Variants in ITGB3 observed in about 807,000 individuals in gnomAD.
ITGB3 encodes integrin subunit beta 3.
In ITGB3, 48 loss-of-function variants were observed where a neutral mutation model predicts 85.8. The ratio of observed to expected loss-of-function variants is 0.56; its 90% CI spans 0.44 to 0.71. The LOEUF is 0.71. Ranked by LOEUF, ITGB3 falls within the 30% of genes least tolerant of loss-of-function variation. The pLI is 0.00. For missense variants in ITGB3, 861 were observed against 1,019.1 expected (o/e 0.84, Z 2.11); for synonymous variants, 363 against 395.6 (o/e 0.92, Z 0.98).
intron 1 of ITGB3, among the ~76,000 whole-genome samples, chr17:47,262,922 TGGG>T (rs915670674): frequency 6.6e-6 from 1 of 152,132 alleles, no homozygotes; most frequent in Admixed American, 6.6e-5. Flanking sequence ...TCGGGAGCAC[TGGG>T]GAAAGGAAGC....
chr17:47,300,346 C>CGCGTGTGTGTGT lies in ITGB3; in HGVS notation c.1914-131_1914-130insCGTGTGTGTGTG, dbSNP rs377375532. 3.2e-5 allele frequency: 20 copies of CGCGTGTGTGTGT among 619,832 alleles called. No individual in the cohort carries two copies. The African/African-American group carries it at 3.5e-4, about 11-fold the overall frequency. 38.4% of individuals were successfully genotyped at this position (619,832 alleles called of 1,614,324 possible). On this transcript the variant is annotated intron_variant, in intron 11 of 14. Coordinates refer to ENST00000559488, the MANE Select transcript of ITGB3 (RefSeq NM_000212.3). ...GGATTGTCTTACAGGCGCGCGCGCG[C>CGCGTGTGTGTGT]GTGTGTGTGTGTGTGTGTGTGTTTT...
At chr17:47,287,891 C>T (rs946926910) in intron 6 of ITGB3, among the ~76,000 whole-genome samples, 1 of 135,496 alleles carries the variant, frequency 7.4e-6, no homozygotes, top group Non-Finnish European at 1.5e-5. Flanking sequence ...GCCTGAGTGA[C>T]AGAGCAAGAA....
chr17:47,280,731 T>A (rs1027698110), intron 2 of ITGB3, among the ~76,000 whole-genome samples: 20 of 152,172 alleles, frequency 1.3e-4, no homozygotes, highest in Non-Finnish European at 2.5e-4. Context: ...GCCAGGTTGC[T>A]TGAGGGGGCT....
At chr17:47,270,387 T>C (rs571899828) in intron 1 of ITGB3, among the ~76,000 whole-genome samples, 17 of 152,310 alleles carry the variant, frequency 1.1e-4, no homozygotes, top group African/African-American at 3.9e-4. Flanking sequence ...GCTGTGCTCC[T>C]CTCAGAAGTC....
intron 2 of ITGB3, among the ~76,000 whole-genome samples, chr17:47,276,423 T>A (rs965908256): frequency 6.6e-6 from 1 of 152,134 alleles, no homozygotes. Flanking sequence ...GGGGCAGGCC[T>A]GGGGAGGGCA....
chr17:47,307,490 C>T lies in ITGB3; in HGVS notation c.2154C>T (p.Asp718=). 1.2e-6 allele frequency: 2 copies of T among 1,614,134 alleles called. No individual in the cohort carries two copies. The highest frequency in any genetic ancestry group is 1.7e-6 in the Non-Finnish European group (2 of 1,180,024). ...TCACAGAGTGTCCCAAGGGCCCTGA[C>T]ATCCTGGTGGTCCTGCTCTCAGTGA... ...VEEPECPKGP[D]ILVVLLSVMG... The change falls in exon 14 of 15, where the codon GAC becomes GAT. Residue 718 remains aspartate (D), a synonymous_variant. Transcript: ENST00000559488.
At chr17:47,274,046 G>A (rs563537940) in intron 1 of ITGB3, among the ~76,000 whole-genome samples, 3 of 152,168 alleles carry the variant, frequency 2.0e-5, no homozygotes, top group Non-Finnish European at 2.9e-5. Flanking sequence ...CTGAAGAGGG[G>A]ATACATTGCC....
rs1217665887 is a variant in ITGB3 at position 47,287,067 on chromosome 17, C to T, written c.778-3C>T. On this transcript the variant is annotated splice_polypyrimidine_tract_variant and splice_region_variant and intron_variant, in intron 5 of 14. Transcript: ENST00000559488. ...GCCTTTGTTTTTTGTTTTCTTTTAA[C>T]AGGAAAAGATTGGCTGGAGGAATGA... 1.2e-6 allele frequency: 2 copies of T among 1,613,624 alleles called. No individual in the cohort carries two copies. Among genetic ancestry groups the T allele is most frequent in the Non-Finnish European group, 8.5e-7 (1 of 1,179,902 alleles).
chr17:47,257,950 C>T (rs931692738), intron 1 of ITGB3, among the ~76,000 whole-genome samples: 4 of 152,146 alleles, frequency 2.6e-5, no homozygotes, highest in Non-Finnish European at 4.4e-5. Flanking sequence ...TTAGAATTTC[C>T]TGATCGAAAT....
In ITGB3 at chr17:47,312,823, C is replaced by A. The variant is rs539806535; in HGVS notation, c.*2619C>A. ...AACAGTGTTCTGGCATCAGATAACA[C>A]GGCACAAAGGGATTGTGTCTAGCTC... On this transcript the variant is annotated 3_prime_UTR_variant, in exon 15 of 15. Transcript: ENST00000559488. Among the ~76,000 whole-genome samples, 1 of 152,172 alleles carries A rather than the reference C, an allele frequency of 6.6e-6. No homozygotes were observed. The highest frequency in any genetic ancestry group is 6.5e-5 in the Admixed American group (1 of 15,284).
At position 47,287,200 on chromosome 17, in the gene ITGB3, G is replaced by A. The variant is rs2065105999; in HGVS notation, c.908G>A (p.Ser303Asn). 6.2e-7 allele frequency: 1 copy of A among 1,613,866 alleles called. No individual in the cohort carries two copies. The highest frequency in any genetic ancestry group is 1.1e-5 in the South Asian group (1 of 91,074). The change falls in exon 6 of 15, where the codon AGT (serine) becomes AAT (asparagine). Residue 303 changes from serine (S) to asparagine (N), a missense_variant. By Grantham distance (46) the Ser-to-Asn change is conservative. Transcript: ENST00000559488. ...AATGACGGGCAGTGTCATGTTGGTA[G>A]TGACAATCATTACTCTGCCTCCACT... Reference protein sequence around the residue: ...QPNDGQCHVGSDNHYSASTTM... With the variant: ...QPNDGQCHVGNDNHYSASTTM...
intron 1 of ITGB3, among the ~76,000 whole-genome samples, chr17:47,267,898 A>G (rs1334108198): frequency 6.6e-6 from 1 of 152,242 alleles, no homozygotes; most frequent in Non-Finnish European, 1.5e-5. Flanking sequence ...TTATAAAAAC[A>G]TATCCAAGAT....
At chr17:47,276,976 G>T (rs1307961897) in intron 2 of ITGB3, among the ~76,000 whole-genome samples, 3 of 152,144 alleles carry the variant, frequency 2.0e-5, no homozygotes, top group Non-Finnish European at 2.9e-5. Context: ...AACTGGTTGG[G>T]CTCGGCTTTC....
At chr17:47,265,536 T>C (rs1463407730) in intron 1 of ITGB3, among the ~76,000 whole-genome samples, 1 of 152,186 alleles carries the variant, frequency 6.6e-6, no homozygotes, top group East Asian at 1.9e-4. Context: ...TATGTCTCTC[T>C]CTTCGTGTGG....
At position 47,283,369 on chromosome 17, in the gene ITGB3, T is replaced by C. The variant is rs764807084; in HGVS notation, c.181T>C (p.Ser61Pro). 6.2e-7 allele frequency: 1 copy of C among 1,614,242 alleles called. No individual in the cohort carries two copies. Among genetic ancestry groups the C allele is most frequent in the Non-Finnish European group, 8.5e-7 (1 of 1,180,048 alleles). Residue 61 changes from serine to proline, a missense_variant, in exon 3 of 15, where the codon TCA becomes CCA. Transcript: ENST00000559488. ...TGTCTTACAGGCCCTGCCTCTGGGC[T>C]CACCTCGCTGTGACCTGAAGGAGAA... ...WCSDEALPLG[S>P]PRCDLKENLL... is the part of the protein sequence containing the mutation.
chr17:47,254,005 G>T, intron 1 of ITGB3, 65 bp downstream of exon 1: 1 of 1,094,518 alleles, frequency 9.1e-7, no homozygotes, highest in Non-Finnish European at 1.2e-6. Context: ...GTCAAGTTGC[G>T]GACTTGGAGC....
chr17:47,258,420 T>C (rs1174053226), intron 1 of ITGB3, among the ~76,000 whole-genome samples: 2 of 151,666 alleles, frequency 1.3e-5, no homozygotes, highest in African/African-American at 4.9e-5. Context: ...ACACACAGTC[T>C]CACCAAAAAC....
At chr17:47,265,525 A>C (rs1345716291) in intron 1 of ITGB3, among the ~76,000 whole-genome samples, 1 of 151,986 alleles carries the variant, frequency 6.6e-6, no homozygotes, top group African/African-American at 2.4e-5. Context: ...CATTCTCTCT[A>C]TATGTCTCTC....
chr17:47,270,831 G>T (rs1598682776), intron 1 of ITGB3, among the ~76,000 whole-genome samples: 1 of 152,200 alleles, frequency 6.6e-6, no homozygotes, highest in East Asian at 1.9e-4. Context: ...GTGCTTCAAG[G>T]ATTCCGCATA....
Sources: allele counts gnomAD v4.1 joint callset (sites outside exome capture counted in the v4.1 genomes callset), GRCh38; gene constraint gnomAD v4.1.1; transcripts MANE v1.5; gene names NCBI Gene and HGNC (gene_info 2026-07-23, HGNC 2026-07-21).